Variants in KRT10 observed in about 807,000 individuals in gnomAD.
The protein encoded by KRT10 is keratin, type I cytoskeletal 10.
Under a neutral mutation model 59.2 loss-of-function variants are expected in KRT10, and 40 were observed. The observed-to-expected ratio is 0.68, with a 90% CI of 0.52 to 0.88. The LOEUF (loss-of-function observed/expected upper bound fraction) is 0.88, where lower values mean the gene tolerates loss of function less well. KRT10 is among the 40% of genes least tolerant of loss of function. KRT10 has a pLI of 0.00. For missense variants in KRT10, 719 were observed against 749.1 expected (o/e 0.96, Z 0.47); for synonymous variants, 336 against 310.7 (o/e 1.08, Z -0.86).
intron 1 of KRT10, 69 bp from the exon 2 acceptor site, chr17:40,821,186 G>C: frequency 9.3e-7 from 1 of 1,070,958 alleles, no homozygotes; most frequent in Admixed American, 1.8e-5. Context: ...TGACATAGAT[G>C]CACTCTGCAC....
At chr17:40,820,712 G>C in intron 2 of KRT10, 45 bp from the exon 3 acceptor site, 1 of 1,601,914 alleles carries the variant, frequency 6.2e-7, no homozygotes, top group Non-Finnish European at 8.6e-7. Context: ...TTATATAGGG[G>C]AGATGTATCT....
At position 40,818,741 on chromosome 17, in the gene KRT10, A is replaced by G. The variant is rs1467703106; in HGVS notation, c.1748+46T>C. 3 of 1,586,686 alleles carry G rather than the reference A, an allele frequency of 1.9e-6. No individual in the cohort carries two copies. In the East Asian group the frequency reaches 6.9e-5, roughly 37 times the overall value. On this transcript the variant is annotated intron_variant, in intron 7 of 7. Transcript: ENST00000269576. ...GCTTAAAGCGCAAAAAAACCATCAC[A>G]GGAAGTTAAAACTAATTCTGATTAC... is the stretch of plus-strand genomic sequence containing the variant.
chr17:40,820,885 G>T (rs1905343763), intron 2 of KRT10, 150 bp downstream of exon 2: 3 of 876,026 alleles, frequency 3.4e-6, no homozygotes, highest in Non-Finnish European at 5.4e-6. Context: ...AGGTAACACT[G>T]ACATGGAAAA....
At chr17:40,821,886 G>C in intron 1 of KRT10, 73 bp downstream of exon 1, 2 of 1,492,814 alleles carry the variant, frequency 1.3e-6, no homozygotes, top group Non-Finnish European at 9.3e-7. Context: ...GCCACATTGT[G>C]CTTAATTTAA....
chr17:40,818,241 A>C lies in KRT10; in HGVS notation c.*235T>G, dbSNP rs1905139848. ...AGAAGAAATACAGAAACCACAAAACACCTTGTAGACACCTTATTTTCAAGG... is the reference window on the plus strand; with the variant it reads ...AGAAGAAATACAGAAACCACAAAACCCCTTGTAGACACCTTATTTTCAAGG... On this transcript the variant is annotated 3_prime_UTR_variant, in exon 8 of 8. Transcript: ENST00000269576. The C allele has an allele frequency of 9.8e-6, 5 of 512,782 alleles. No individual in the cohort carries two copies. The highest frequency in any genetic ancestry group is 1.7e-5 in the Non-Finnish European group (5 of 289,652). 31.8% of individuals were successfully genotyped at this position (512,782 alleles called of 1,614,324 possible).
intron 6 of KRT10, 107 bp downstream of exon 6, chr17:40,819,410 T>C: frequency 7.7e-7 from 1 of 1,296,136 alleles, no homozygotes; most frequent in Non-Finnish European, 1.1e-6. Context: ...CTACCCTCTC[T>C]CCTCCCTTCC....
In KRT10 at chr17:40,818,935, T is replaced by G. The variant is rs866075774; in HGVS notation, c.1600A>C (p.Ser534Arg). Reference protein sequence around the residue: ...GSSSGGYGGGSSGGGGGGYGG... With the variant: ...GSSSGGYGGGRSGGGGGGYGG... ...TAGCCGCCGCCGCCGCCGCCGGAAC[T>G]GCCACCACCGTAGCCGCCGCTGGAA... Residue 534 changes from serine (S) to arginine (R), a missense_variant, in exon 7 of 8, where the codon AGT (serine) becomes CGT (arginine). Around this residue, in one of 4 missense-constraint regions of KRT10, gnomAD observed 315 missense variants for 270.6 expected, o/e 1.16. Transcript: ENST00000269576. 8.0e-7 allele frequency: 1 copy of G among 1,249,624 alleles called. No individual in the cohort carries two copies. The highest frequency in any genetic ancestry group is 1.0e-6 in the Non-Finnish European group (1 of 997,990). 77.4% of individuals were successfully genotyped at this position (1,249,624 alleles called of 1,614,324 possible).
chr17:40,818,929 CGGAACTGCCACCACCGTAGCCGCCGCT>C lies in KRT10; in HGVS notation c.1579_1605del (p.Ser527_Ser535del), dbSNP rs1905190335. 1 of 1,327,100 alleles carries C rather than the reference CGGAACTGCCACCACCGTAGCCGCCGCT, an allele frequency of 7.5e-7. No homozygotes were observed. Among genetic ancestry groups the C allele is most frequent in the South Asian group, 1.7e-5 (1 of 57,264 alleles). The allele number at this position is 1,327,100 out of a possible 1,614,324, so 82.2% of individuals were successfully genotyped here. ...CCCCCGTAGCCGCCGCCGCCGCCGCCGGAACTGCCACCACCGTAGCCGCCGCTGGAACTGCCGCCGTGGCCGCCGCTG... is the reference window on the plus strand; with the variant it reads ...CCCCCGTAGCCGCCGCCGCCGCCGCCGGAACTGCCGCCGTGGCCGCCGCTG... On this transcript the variant is annotated inframe_deletion, in exon 7 of 8. Coordinates refer to ENST00000269576, the MANE Select transcript of KRT10 (RefSeq NM_000421.5).
At chr17:40,820,911 C>T (rs1040288376) in intron 2 of KRT10, 124 bp downstream of exon 2, 3 of 934,046 alleles carry the variant, frequency 3.2e-6, no homozygotes, top group African/African-American at 1.6e-5. Context: ...CAGATAACTC[C>T]AATACTATTT....
intron 1 of KRT10, among the ~76,000 whole-genome samples, chr17:40,821,627 G>A (rs1905387680): frequency 6.6e-6 from 1 of 151,782 alleles, no homozygotes; most frequent in Non-Finnish European, 1.5e-5. Flanking sequence ...ATAACATTTT[G>A]TTCTGATTCA....
At chr17:40,818,733 A>G in intron 7 of KRT10, 54 bp downstream of exon 7, 1 of 1,597,412 alleles carries the variant, frequency 6.3e-7, no homozygotes, top group African/African-American at 1.3e-5. Flanking sequence ...GCGCAAAAAA[A>G]CCATCACAGG....
chr17:40,821,924 A>G (rs757865831), intron 1 of KRT10, 35 bp downstream of exon 1: 3 of 1,606,834 alleles, frequency 1.9e-6, no homozygotes, highest in Middle Eastern at 1.7e-4. Flanking sequence ...TACATGGACA[A>G]GATACTTAAA....
rs754741926 is a variant in KRT10, at chr17:40,819,708, T to C, written c.1182A>G (p.Ala394=). The change falls in exon 6 of 8, where the codon GCA becomes GCG. Residue 394 remains alanine, a synonymous_variant. Coordinates refer to ENST00000269576, the MANE Select transcript of KRT10 (RefSeq NM_000421.5). Reference sequence around the variant, plus strand: ...GCACACAGTAGCGACCTTCTGTTTCTGCCAAGGAGGCTTCCAGGGATTGTT... The same window carrying C: ...GCACACAGTAGCGACCTTCTGTTTCCGCCAAGGAGGCTTCCAGGGATTGTT... ...ALKQSLEASL[A]ETEGRYCVQL... is the part of the protein sequence containing the mutation. 6.2e-7 allele frequency: 1 copy of C among 1,614,254 alleles called. No homozygotes were observed. The highest frequency in any genetic ancestry group is 1.1e-5 in the South Asian group (1 of 91,090).
In KRT10 at chr17:40,818,678, C is replaced by A; in HGVS notation, c.1748+109G>T. On this transcript the variant is annotated intron_variant, in intron 7 of 7. Transcript: ENST00000269576. ...GTTTGTGAACAAATGCAAACGGAAC[C>A]GTCTCTAAGATTTTTAATTTTTTAA... 7.8e-6 allele frequency: 12 copies of A among 1,538,044 alleles called. No homozygotes were observed. The South Asian group carries it at 1.4e-4, about 18-fold the overall frequency.
At chr17:40,821,830 G>T in intron 1 of KRT10, 129 bp downstream of exon 1, 1 of 964,524 alleles carries the variant, frequency 1.0e-6, no homozygotes, top group Non-Finnish European at 1.6e-6. Flanking sequence ...GATGAGACTG[G>T]GTTATTTTTG....
chr17:40,820,136 T>C lies in KRT10; in HGVS notation c.1068A>G (p.Glu356=), dbSNP rs1905286180. 1 of 1,613,710 alleles carries C rather than the reference T, an allele frequency of 6.2e-7. No individual in the cohort carries two copies. Among genetic ancestry groups the C allele is most frequent in the Non-Finnish European group, 8.5e-7 (1 of 1,179,758 alleles). ...TCTCAGATTTATAGCTGGATATCTG[T>C]TCAATGTTATTATCAATTTCTGTAG... ...ELTTEIDNNI[E]QISSYKSEIT... The change falls in exon 5 of 8, where the codon GAA becomes GAG. Residue 356 remains glutamate (E), a synonymous_variant. Coordinates refer to ENST00000269576, the MANE Select transcript of KRT10 (RefSeq NM_000421.5).
chr17:40,818,396 T>C lies in KRT10; in HGVS notation c.*80A>G, dbSNP rs1392109458. 2 of 1,602,638 alleles carry C rather than the reference T, an allele frequency of 1.2e-6. No individual in the cohort carries two copies. The highest frequency in any genetic ancestry group is 1.7e-6 in the Non-Finnish European group (2 of 1,171,004). On this transcript the variant is annotated 3_prime_UTR_variant, in exon 8 of 8. Coordinates refer to ENST00000269576, the MANE Select transcript of KRT10 (RefSeq NM_000421.5). ...GCAGTTTAATAGTAGTGTTTCTTGG[T>C]TTCTGATTCAACCATAGATGAAAGA...
In KRT10 at chr17:40,822,048, C is replaced by A. The variant is rs1905422178; in HGVS notation, c.538G>T (p.Glu180Ter). The change falls in exon 1 of 8, where the codon GAG becomes TAG. Residue 180 changes from glutamate to a stop codon, truncating the protein, a stop_gained. Coordinates refer to ENST00000269576, the MANE Select transcript of KRT10 (RefSeq NM_000421.5). LOFTEE classifies it high-confidence loss of function. Reference protein sequence around the residue: ...SNYELEGKIKEWYEKHGNSHQ... With the variant: ...SNYELEGKIK ...GAGTTGCCATGCTTTTCATACCACTCCTTGATTTTGCCTTCCAGCTCATAG... is the reference window on the plus strand; with the variant it reads ...GAGTTGCCATGCTTTTCATACCACTACTTGATTTTGCCTTCCAGCTCATAG... 1 of 1,614,056 alleles carries A rather than the reference C, an allele frequency of 6.2e-7. No individual in the cohort carries two copies. Among genetic ancestry groups the A allele is most frequent in the African/African-American group, 1.3e-5 (1 of 74,910 alleles).
Position 40,818,896 on chromosome 17 carries a change from AGC to A in KRT10, c.1637_1638del (p.Ser546IlefsTer34), listed in dbSNP as rs781768887. ...GGGGGGYGGG[S>X]SGGGSSSGGG... ...CCGCCGGAGCTGCTGCCGCCGCCGG[AGC>A]TGCCGCCCCCGTAGCCGCCGCCGCC... On this transcript the variant is annotated frameshift_variant, in exon 7 of 8. Transcript: ENST00000269576. LOFTEE classifies it high-confidence loss of function. The A allele has an allele frequency of 0.01, 14,374 of 1,423,246 alleles. 27 individuals are homozygous for A. The highest frequency in any genetic ancestry group is 0.013 in the African/African-American group (763 of 60,000). 88.2% of individuals were successfully genotyped at this position (1,423,246 alleles called of 1,614,324 possible).
Sources: allele counts gnomAD v4.1 joint callset (sites outside exome capture counted in the v4.1 genomes callset), GRCh38; gene constraint gnomAD v4.1.1; regional missense constraint gnomAD v4.1.1; transcripts MANE v1.5; gene names NCBI Gene and HGNC (gene_info 2026-07-23, HGNC 2026-07-21).